Variants in ANO4 observed in about 807,000 individuals in gnomAD.
The protein encoded by ANO4 is anoctamin-4.
A neutral mutation model predicts 141.9 loss-of-function variants in ANO4; 69 were observed. The observed-to-expected ratio is 0.49, with a 90% CI of 0.40 to 0.59. ANO4 has a LOEUF of 0.59. ANO4 is among the 20% of genes least tolerant of loss of function. ANO4 has a pLI of 0.00. For missense variants in ANO4, 894 were observed against 1,162.2 expected, an observed-to-expected ratio of 0.77 and a Z score of 3.36; for synonymous variants, 350 against 394.3, an observed-to-expected ratio of 0.89 and a Z score of 1.33.
intron 1 of ANO4, among the ~76,000 whole-genome samples, chr12:100,893,506 G>A (rs1016301478): frequency 2.0e-5 from 3 of 152,030 alleles, no homozygotes; most frequent in Admixed American, 1.3e-4. Context: ...TGTTCTTAGT[G>A]TCTCCTTCTG....
chr12:100,797,135 T>C (rs1190466065), intron 1 of ANO4, among the ~76,000 whole-genome samples: 1 of 151,180 alleles, frequency 6.6e-6, no homozygotes, highest in East Asian at 1.9e-4. Flanking sequence ...TGTGTGTATA[T>C]ATATATATAT....
At chr12:100,952,016 T>C (rs556367884) in intron 5 of ANO4, among the ~76,000 whole-genome samples, 2 of 152,218 alleles carry the variant, frequency 1.3e-5, no homozygotes, top group African/African-American at 4.8e-5. Flanking sequence ...GAATCATCCC[T>C]AGCTGAGAAT....
intron 22 of ANO4, among the ~76,000 whole-genome samples, chr12:101,103,014 TACTA>T (rs1198334065): frequency 6.6e-6 from 1 of 151,398 alleles, no homozygotes; most frequent in African/African-American, 2.4e-5. Context: ...AATGTTTTGT[TACTA>T]ATAATATACA....
chr12:100,907,442 C>A (rs892236645), intron 2 of ANO4, among the ~76,000 whole-genome samples: 1 of 152,212 alleles, frequency 6.6e-6, no homozygotes, highest in Non-Finnish European at 1.5e-5. Context: ...TCCCCTACTT[C>A]CCCGTGCTTC....
At chr12:100,806,026 G>A (rs1453562420) in intron 1 of ANO4, among the ~76,000 whole-genome samples, 2 of 152,092 alleles carry the variant, frequency 1.3e-5, no homozygotes. Context: ...GTTGCCATTC[G>A]GGAGGATTTA....
chr12:100,825,944 C>T (rs1181024499), intron 1 of ANO4, among the ~76,000 whole-genome samples: 2 of 151,928 alleles, frequency 1.3e-5, no homozygotes, highest in Non-Finnish European at 2.9e-5. Flanking sequence ...CACAAAATTA[C>T]TTTATTATAG....
intron 3 of ANO4, among the ~76,000 whole-genome samples, chr12:100,774,395 C>T (rs572515374): frequency 6.6e-6 from 1 of 152,286 alleles, no homozygotes; most frequent in East Asian, 1.9e-4. Flanking sequence ...AAGACTGGAG[C>T]AACCCAATAT....
At chr12:100,963,325 AC>A (rs1278224176) in intron 5 of ANO4, among the ~76,000 whole-genome samples, 3 of 152,090 alleles carry the variant, frequency 2.0e-5, no homozygotes, top group African/African-American at 7.2e-5. Context: ...GTCCTCAGGG[AC>A]CTCCACTTAA....
chr12:100,996,746 G>T (rs2045392795), intron 8 of ANO4, among the ~76,000 whole-genome samples: 1 of 152,166 alleles, frequency 6.6e-6, no homozygotes, highest in South Asian at 2.1e-4. Context: ...GTGAGTGGGA[G>T]ATTCTCTGAG....
chr12:101,010,924 G>T (rs958132459), intron 8 of ANO4, among the ~76,000 whole-genome samples: 1 of 152,140 alleles, frequency 6.6e-6, no homozygotes, highest in Non-Finnish European at 1.5e-5. Flanking sequence ...GCTAGATTCA[G>T]CTGGGAAGTT....
intron 1 of ANO4, among the ~76,000 whole-genome samples, chr12:100,896,540 C>T (rs2040363873): frequency 6.6e-6 from 1 of 152,212 alleles, no homozygotes; most frequent in African/African-American, 2.4e-5. Flanking sequence ...ACACAGAGCC[C>T]TGCCGACACC....
intron 1 of ANO4, among the ~76,000 whole-genome samples, chr12:100,855,122 T>C (rs1413857821): frequency 1.3e-5 from 2 of 152,168 alleles, no homozygotes; most frequent in Non-Finnish European, 1.5e-5. Flanking sequence ...TTTGTTTCTA[T>C]AGCTGGGGCA....
intron 14 of ANO4, among the ~76,000 whole-genome samples, chr12:101,070,890 T>C (rs1356418980): frequency 6.6e-6 from 1 of 152,144 alleles, no homozygotes; most frequent in Non-Finnish European, 1.5e-5. Context: ...AAAGAAGACC[T>C]ACAAGTGGCC....
intron 1 of ANO4, among the ~76,000 whole-genome samples, chr12:100,861,982 A>G (rs1209045343): frequency 6.6e-6 from 1 of 152,184 alleles, no homozygotes; most frequent in Admixed American, 6.5e-5. Flanking sequence ...GGGCAATAAC[A>G]TGCATGGAGC....
At chr12:100,914,167 AG>A (rs1037703407) in intron 2 of ANO4, among the ~76,000 whole-genome samples, 1 of 152,204 alleles carries the variant, frequency 6.6e-6, no homozygotes, top group African/African-American at 2.4e-5. Flanking sequence ...CTTTTAGTGC[AG>A]GGATGCATTA....
At chr12:101,093,685 T>C (rs1048706281) in intron 17 of ANO4, among the ~76,000 whole-genome samples, 6 of 151,882 alleles carry the variant, frequency 4.0e-5, no homozygotes, top group African/African-American at 1.5e-4. Context: ...CTCAGAACCA[T>C]CTATTGACCA....
intron 3 of ANO4, among the ~76,000 whole-genome samples, chr12:100,752,608 A>ATG (rs147175858): frequency 1.3e-5 from 2 of 151,770 alleles, no homozygotes; most frequent in Non-Finnish European, 2.9e-5. Context: ...TCTTTTTTTA[A>ATG]TGTGTGTGTG....
chr12:101,089,438 G>T (rs2049655980), intron 17 of ANO4, among the ~76,000 whole-genome samples: 1 of 152,068 alleles, frequency 6.6e-6, no homozygotes, highest in Non-Finnish European at 1.5e-5. Flanking sequence ...GAAAGTAGAT[G>T]GTTAGCACTT....
chr12:100,833,317 A>T (rs560677042), intron 1 of ANO4, among the ~76,000 whole-genome samples: 1 of 152,276 alleles, frequency 6.6e-6, no homozygotes, highest in East Asian at 1.9e-4. Context: ...AACATTGTAT[A>T]AAAAGAGTAA....
Sources: gnomAD v4.1 joint callset for allele counts (sites outside exome capture counted in the v4.1 genomes callset) on GRCh38, gnomAD v4.1.1 for gene constraint, MANE v1.5 for transcripts, NCBI Gene and HGNC (gene_info 2026-07-23, HGNC 2026-07-21) for gene names.